Variants in LHCGR observed in about 807,000 individuals in gnomAD.
The protein encoded by LHCGR is luteinizing hormone/choriogonadotropin receptor, also known as lutropin-choriogonadotropic hormone receptor.
A neutral mutation model predicts 60.7 loss-of-function variants in LHCGR; 55 were observed. That is an observed-to-expected ratio of 0.91 (90% CI 0.73 to 1.13). The LOEUF (loss-of-function observed/expected upper bound fraction) is 1.13, where lower values mean the gene tolerates loss of function less well. Among genes scored for constraint, LHCGR ranks in the 50% most tolerant of loss-of-function variants. The pLI is 0.00. For missense variants in LHCGR, 862 were observed against 836.0 expected (o/e 1.03, Z -0.38); for synonymous variants, 337 against 316.5 (o/e 1.06, Z -0.69).
At position 48,688,865 on chromosome 2, in the gene LHCGR, T is replaced by A. The variant is rs757639462; in HGVS notation, c.948-16A>T. On this transcript the variant is annotated splice_polypyrimidine_tract_variant and intron_variant, in intron 10 of 10. Coordinates refer to ENST00000294954, the MANE Select transcript of LHCGR (RefSeq NM_000233.4). The surrounding 1 kb of genome is among the most constrained non-coding windows in gnomAD (Gnocchi z 5.2). ...GGAAGAATAACTGTAAGAAGAATTA[T>A]TGGCTTGAGGTAAGGGATTTTCTCT... 6.2e-7 allele frequency: 1 copy of A among 1,612,626 alleles called. No homozygotes were observed. Among genetic ancestry groups the A allele is most frequent in the Admixed American group, 1.7e-5 (1 of 60,014 alleles).
chr2:48,734,404 A>G (rs2103647783), intron 1 of LHCGR, among the ~76,000 whole-genome samples: 1 of 152,340 alleles, frequency 6.6e-6, no homozygotes, highest in East Asian at 1.9e-4. Flanking sequence ...AAAATAAATA[A>G]CTAAAAACAG....
At chr2:48,738,056 C>A (rs1669277293) in intron 1 of LHCGR, among the ~76,000 whole-genome samples, 1 of 152,170 alleles carries the variant, frequency 6.6e-6, no homozygotes, top group Non-Finnish European at 1.5e-5. Flanking sequence ...CTACATGATC[C>A]TCTGCTTTTT....
rs1668602421 is a variant in LHCGR, at chr2:48,723,779, A to T, written c.384-83T>A. 1.5e-5 allele frequency: 15 copies of T among 1,033,114 alleles called. No homozygotes were observed. In the South Asian group the frequency reaches 1.7e-4, roughly 12 times the overall value. 64.0% of individuals were successfully genotyped at this position (1,033,114 alleles called of 1,614,324 possible). ...TAAGACATAAAGATAAAAAGAGAGT[A>T]CAAAGGCATTTTGCAAATACAACTT... On this transcript the variant is annotated intron_variant, in intron 4 of 10. Coordinates refer to ENST00000294954, the MANE Select transcript of LHCGR (RefSeq NM_000233.4).
chr2:48,692,250 A>G (rs866693282), intron 10 of LHCGR, among the ~76,000 whole-genome samples: 1 of 152,054 alleles, frequency 6.6e-6, no homozygotes, highest in South Asian at 2.1e-4. Context: ...GATTTCCTTT[A>G]CTCCTTTCCC....
chr2:48,691,651 G>T lies in LHCGR; in HGVS notation c.947+2573C>A, dbSNP rs544532142. Among the ~76,000 whole-genome samples the T allele has an allele frequency of 1.2e-4, 18 of 152,214 alleles. No individual in the cohort carries two copies. In the South Asian group the frequency reaches 3.7e-3, roughly 32 times the overall value. On this transcript the variant is annotated intron_variant, in intron 10 of 10. Coordinates refer to ENST00000294954, the MANE Select transcript of LHCGR (RefSeq NM_000233.4). ...ACCTGAGGTCAGGAGTTTGAGACCA[G>T]CCTGGCCAATATGGCAAAACCCTGT...
chr2:48,754,595 A>AC (rs1188141991), intron 1 of LHCGR, among the ~76,000 whole-genome samples: 63 of 148,404 alleles, frequency 4.2e-4, no homozygotes, highest in South Asian at 2.1e-3. Flanking sequence ...AAATTTCACC[A>AC]CCCCCCCGCC....
At chr2:48,692,348 A>G (rs903529928) in intron 10 of LHCGR, among the ~76,000 whole-genome samples, 4 of 152,234 alleles carry the variant, frequency 2.6e-5, no homozygotes, top group Admixed American at 6.5e-5. Context: ...TATATCAACA[A>G]GAGGTCAAAC....
chr2:48,755,558 G>C lies in LHCGR; in HGVS notation c.114C>G (p.Pro38=), dbSNP rs74469055. The C allele has an allele frequency of 1.7e-4, 264 of 1,540,918 alleles. No individual in the cohort carries two copies. In the African/African-American group the frequency reaches 3.3e-3, roughly 20 times the overall value. Residue 38 remains proline, a synonymous_variant, in exon 1 of 11, where the codon CCC becomes CCG. Coordinates refer to ENST00000294954, the MANE Select transcript of LHCGR (RefSeq NM_000233.4). ...GGCCGGGGCAGCGCAGGGCGCCGTC[G>C]GGCACGCAGTTGCAGGGCTCAGGGC... The part of the protein sequence containing the change: ...ALCPEPCNCV[P]DGALRCPGPT...
chr2:48,732,682 AG>A (rs1472495672), intron 1 of LHCGR, among the ~76,000 whole-genome samples: 1 of 152,166 alleles, frequency 6.6e-6, no homozygotes, highest in African/African-American at 2.4e-5. Context: ...AGCAAGGTGG[AG>A]GGACAGACAT....
Position 48,688,534 on chromosome 2 carries a change from T to A in LHCGR, c.1263A>T (p.Gln421His), listed in dbSNP as rs189474766. 3.2e-5 allele frequency: 52 copies of A among 1,614,170 alleles called. 2 individuals are homozygous for A. In the Admixed American group the frequency reaches 7.0e-4, roughly 22 times the overall value. The change falls in exon 11 of 11, where the codon CAA becomes CAT. Residue 421 changes from glutamine (Q) to histidine (H), a missense_variant. Physicochemically the swap from Gln to His is conservative, Grantham distance 24 (BLOSUM62 0). Coordinates refer to ENST00000294954, the MANE Select transcript of LHCGR (RefSeq NM_000233.4). This position sits in a 1 kb window ranked among gnomAD's most constrained non-coding sequence, Gnocchi z 5.2. ...CATGGTTATAGTACTGGCCCTTGGTTTGGGAATCAACTGAGGCTATGAGCA... is the reference window on the plus strand; with the variant it reads ...CATGGTTATAGTACTGGCCCTTGGTATGGGAATCAACTGAGGCTATGAGCA... ...YLLLIASVDS[Q>H]TKGQYYNHAI... is the part of the protein sequence containing the mutation.
intron 3 of LHCGR, among the ~76,000 whole-genome samples, chr2:48,726,881 T>C (rs1029551975): frequency 2.0e-5 from 3 of 152,218 alleles, no homozygotes; most frequent in Admixed American, 6.5e-5. Flanking sequence ...GGAAGTTGAA[T>C]GATTTGTCTT....
chr2:48,727,406 A>G (rs1213281154), intron 3 of LHCGR, among the ~76,000 whole-genome samples: 1 of 152,204 alleles, frequency 6.6e-6, no homozygotes, highest in East Asian at 1.9e-4. Flanking sequence ...TGAACAAAGC[A>G]AAAAAAGCCT....
At chr2:48,714,210 G>A (rs1185335331) in intron 6 of LHCGR, among the ~76,000 whole-genome samples, 156 bp from the exon 7 acceptor site, 1 of 152,076 alleles carries the variant, frequency 6.6e-6, no homozygotes, top group Non-Finnish European at 1.5e-5. Flanking sequence ...TTTATTAAGT[G>A]TCTATTAAGT....
chr2:48,687,714 G>T lies in LHCGR; in HGVS notation c.2083C>A (p.Arg695Ser). The change falls in exon 11 of 11, where the codon CGC becomes AGC. Residue 695 changes from arginine (R) to serine (S), a missense_variant. Physicochemically the swap from Arg to Ser is moderately radical, Grantham distance 110 (BLOSUM62 -1). Coordinates refer to ENST00000294954, the MANE Select transcript of LHCGR (RefSeq NM_000233.4). ...TGTAACAGTTAACACTCTGTGTAGC[G>T]AGTCTTGTCTAGGAGAGCTGTACCT... ...CQGTALLDKT[R>S]YTEC The T allele has an allele frequency of 6.2e-7, 1 of 1,613,504 alleles. No homozygotes were observed. The highest frequency in any genetic ancestry group is 1.1e-5 in the South Asian group (1 of 91,062).
chr2:48,700,366 G>A (rs1416933957), intron 8 of LHCGR, among the ~76,000 whole-genome samples: 1 of 152,120 alleles, frequency 6.6e-6, no homozygotes, highest in African/African-American at 2.4e-5. Context: ...AGGGTGGAGT[G>A]GATGCTTTTA....
intron 8 of LHCGR, among the ~76,000 whole-genome samples, chr2:48,702,612 A>T (rs1572833070): frequency 6.6e-6 from 1 of 152,126 alleles, no homozygotes; most frequent in Non-Finnish European, 1.5e-5. Context: ...TTATGGCTGC[A>T]TAGTATTTCA....
chr2:48,736,706 T>C (rs759551001), intron 1 of LHCGR, among the ~76,000 whole-genome samples: 19 of 152,106 alleles, frequency 1.2e-4, no homozygotes, highest in African/African-American at 1.9e-4. Flanking sequence ...TTTAAGAAAA[T>C]AGAAGATTTG....
intron 6 of LHCGR, among the ~76,000 whole-genome samples, chr2:48,714,534 T>A (rs952337714): frequency 6.6e-6 from 1 of 151,918 alleles, no homozygotes; most frequent in African/African-American, 2.4e-5. Context: ...GATGTCAGAT[T>A]TGGCTCCACA....
intron 1 of LHCGR, chr2:48,732,909 C>T (rs767699456): frequency 3.7e-6 from 2 of 534,540 alleles, no homozygotes; most frequent in South Asian, 2.8e-5. Flanking sequence ...CCAAGAAGGA[C>T]ATCGTTTAAC....
Sources: allele counts gnomAD v4.1 joint callset (sites outside exome capture counted in the v4.1 genomes callset), GRCh38; gene constraint gnomAD v4.1.1; non-coding constraint Gnocchi (gnomAD v3.1); transcripts MANE v1.5; gene names NCBI Gene and HGNC (gene_info 2026-07-23, HGNC 2026-07-21).